Variants in RALGAPB observed in about 807,000 individuals in gnomAD.
The protein encoded by RALGAPB is Ral GTPase activating protein non-catalytic subunit beta, also known as ral GTPase-activating protein subunit beta.
Under a neutral mutation model 161.1 loss-of-function variants are expected in RALGAPB, and 25 were observed. The observed-to-expected ratio is 0.16, with a 90% CI of 0.11 to 0.22. RALGAPB has a LOEUF of 0.22. Among genes scored for constraint, RALGAPB ranks in the 10% least tolerant of loss-of-function variants. The pLI is 1.00. For synonymous variants in RALGAPB, 629 were observed against 626.1 expected (o/e 1.00, Z -0.07); for missense variants, 1,391 against 1,815.2 (o/e 0.77, Z 4.25).
intron 18 of RALGAPB, among the ~76,000 whole-genome samples, chr20:38,545,720 T>C (rs1351183827): frequency 6.6e-6 from 1 of 152,218 alleles, no homozygotes; most frequent in Non-Finnish European, 1.5e-5. Flanking sequence ...AGTTCAGGCC[T>C]CTAATGGTTT....
chr20:38,503,320 C>T (rs189155866), intron 5 of RALGAPB, among the ~76,000 whole-genome samples: 1 of 152,132 alleles, frequency 6.6e-6, no homozygotes, highest in Non-Finnish European at 1.5e-5. Flanking sequence ...CACCTCTAGT[C>T]CCTATTGTTC....
At chr20:38,498,636 G>A (rs1269503302) in intron 4 of RALGAPB, among the ~76,000 whole-genome samples, 5 of 152,210 alleles carry the variant, frequency 3.3e-5, no homozygotes, top group Admixed American at 3.3e-4. Flanking sequence ...GCTCTTTGTT[G>A]TTGAAACTTT....
intron 1 of RALGAPB, among the ~76,000 whole-genome samples, chr20:38,479,701 G>T (rs1043818445): frequency 6.6e-6 from 1 of 152,172 alleles, no homozygotes; most frequent in Admixed American, 6.5e-5. Context: ...AGCAGCTCAG[G>T]TTGATAGCAG....
At chr20:38,546,585 G>A in intron 19 of RALGAPB, 155 bp downstream of exon 19, 2 of 928,812 alleles carry the variant, frequency 2.2e-6, no homozygotes, top group Non-Finnish European at 3.2e-6. Context: ...AAATAGGGGG[G>A]CAAAAAAATA....
chr20:38,539,750 T>G (rs1387710136), intron 16 of RALGAPB, 26 bp from the exon 17 acceptor site: 2 of 1,604,168 alleles, frequency 1.2e-6, no homozygotes, highest in Non-Finnish European at 1.7e-6. Context: ...GCTGATTGTT[T>G]TTGTTCTCCA....
chr20:38,520,524 C>CTTT (rs775371608), intron 9 of RALGAPB, among the ~76,000 whole-genome samples: 4,294 of 70,106 alleles, frequency 0.061, 213 homozygotes, highest in African/African-American at 0.15. Context: ...TGTGTTTTGG[C>CTTT]TTTTTTTTTT....
At chr20:38,498,887 T>C (rs570212892) in intron 4 of RALGAPB, among the ~76,000 whole-genome samples, 3 of 152,238 alleles carry the variant, frequency 2.0e-5, no homozygotes, top group South Asian at 2.1e-4. Context: ...ACTTGGAGCA[T>C]TGTATGGCAA....
In RALGAPB at chr20:38,525,503, CA is replaced by C; in HGVS notation, c.1888del (p.Thr630GlnfsTer24). On this transcript the variant is annotated frameshift_variant, in exon 12 of 30. Transcript: ENST00000262879. LOFTEE classifies it high-confidence loss of function. ...SLLPLPHHFG[T>X]VKSEVVLEGK... ...TGTTGCCCCTCCCTCATCATTTTGG[CA>C]CAGTCAAATCTGAGGTAATGTTTTG... 6.2e-7 allele frequency: 1 copy of C among 1,602,280 alleles called. No individual in the cohort carries two copies. The highest frequency in any genetic ancestry group is 1.1e-5 in the South Asian group (1 of 89,702).
At chr20:38,485,792 G>A (rs1022266644) in intron 1 of RALGAPB, among the ~76,000 whole-genome samples, 5 of 151,904 alleles carry the variant, frequency 3.3e-5, no homozygotes, top group African/African-American at 2.4e-5. Context: ...TTTTTTCCAT[G>A]TTTGTTTCTA....
At chr20:38,564,789 C>T (rs1333899466) in intron 24 of RALGAPB, among the ~76,000 whole-genome samples, 2 of 152,126 alleles carry the variant, frequency 1.3e-5, no homozygotes, top group East Asian at 1.9e-4. Context: ...ATAGAAATGC[C>T]TTAAAAGCAA....
At chr20:38,534,402 T>G (rs2086744174) in intron 15 of RALGAPB, 1 of 152,634 alleles carries the variant, frequency 6.6e-6, no homozygotes, top group African/African-American at 2.4e-5. Context: ...AGGTATAATG[T>G]CCCTAAAGCT....
rs1018622189 is a variant in RALGAPB at position 38,578,433 on chromosome 20, A to G, written c.*3466A>G. Reference sequence around the variant, plus strand: ...AATTTGGGATTCCACAGTGCCTTGCATATAGTAGGCGCCCAGTAAATACTT... The same window carrying G: ...AATTTGGGATTCCACAGTGCCTTGCGTATAGTAGGCGCCCAGTAAATACTT... On this transcript the variant is annotated 3_prime_UTR_variant, in exon 30 of 30. Transcript: ENST00000262879. 6.6e-6 allele frequency: 1 copy of G among 152,606 alleles called. No individual in the cohort carries two copies. The highest frequency in any genetic ancestry group is 2.4e-5 in the African/African-American group (1 of 41,452). 9.5% of individuals were successfully genotyped at this position (152,606 alleles called of 1,614,324 possible). A position where few individuals can be genotyped will look rare whatever the true frequency, so the allele number is the denominator to read the frequency against.
At chr20:38,507,889 A>G (rs1254143848) in intron 5 of RALGAPB, among the ~76,000 whole-genome samples, 3 of 151,984 alleles carry the variant, frequency 2.0e-5, no homozygotes, top group Non-Finnish European at 4.4e-5. Flanking sequence ...TGCTTTATAC[A>G]TAGTCTTTAT....
At chr20:38,570,074 C>A in intron 27 of RALGAPB, 78 bp downstream of exon 27, 1 of 1,220,616 alleles carries the variant, frequency 8.2e-7, no homozygotes, top group Non-Finnish European at 1.2e-6. Flanking sequence ...AGGGAGTGGG[C>A]ACATAAGCCT....
At chr20:38,495,630 GC>G (rs919567726) in intron 3 of RALGAPB, among the ~76,000 whole-genome samples, 4 of 152,094 alleles carry the variant, frequency 2.6e-5, no homozygotes, top group Non-Finnish European at 4.4e-5. Flanking sequence ...TGACCCATTG[GC>G]CAGCATTCAC....
At chr20:38,523,892 A>G (rs1003746085) in intron 10 of RALGAPB, among the ~76,000 whole-genome samples, 1 of 152,224 alleles carries the variant, frequency 6.6e-6, no homozygotes, top group Non-Finnish European at 1.5e-5. Context: ...TGCTTTCAAA[A>G]GGCAGAATGA....
intron 5 of RALGAPB, among the ~76,000 whole-genome samples, chr20:38,508,823 T>TAATG (rs991973975): frequency 5.3e-5 from 8 of 152,194 alleles, no homozygotes; most frequent in African/African-American, 1.4e-4. Flanking sequence ...GTGGAGTACA[T>TAATG]AATGATGTTT....
intron 15 of RALGAPB, among the ~76,000 whole-genome samples, chr20:38,533,462 C>T (rs2086716021): frequency 6.6e-6 from 1 of 152,134 alleles, no homozygotes; most frequent in South Asian, 2.1e-4. Flanking sequence ...TGTTTTTCTA[C>T]ACAAGTACTA....
chr20:38,481,279 G>C lies in RALGAPB; in HGVS notation c.-30-7124G>C, dbSNP rs80333815. 4.0e-4 allele frequency among the ~76,000 whole-genome samples: 61 copies of C among 152,186 alleles called. No individual in the cohort carries two copies. In the East Asian group the frequency reaches 0.012, roughly 29 times the overall value. On this transcript the variant is annotated intron_variant, in intron 1 of 29. Coordinates refer to ENST00000262879, the MANE Select transcript of RALGAPB (RefSeq NM_020336.4). ...TCAACATTTTAATGTTCTAACTTAT[G>C]TTATAGTTATTTATGGTAGGTATTA...
Sources: allele counts gnomAD v4.1 joint callset (sites outside exome capture counted in the v4.1 genomes callset), GRCh38; gene constraint gnomAD v4.1.1; transcripts MANE v1.5; gene names NCBI Gene and HGNC (gene_info 2026-07-23, HGNC 2026-07-21).